The following NOL11 variants were observed in gnomAD, a reference collection of about 807,000 sequenced individuals.
NOL11 encodes the protein nucleolar protein 11.
Under a neutral mutation model 93.0 loss-of-function variants are expected in NOL11, and 42 were observed. That is an observed-to-expected ratio of 0.45 (90% CI 0.35 to 0.58). The LOEUF (loss-of-function observed/expected upper bound fraction) is 0.58, where lower values mean the gene tolerates loss of function less well. Ranked by LOEUF, NOL11 falls within the 20% of genes least tolerant of loss-of-function variation. The pLI, the probability that NOL11 is intolerant of heterozygous loss-of-function variation, is 0.00. For synonymous variants in NOL11, 296 were observed against 293.7 expected, an observed-to-expected ratio of 1.01 and a Z score of -0.08; for missense variants, 775 against 841.8, an observed-to-expected ratio of 0.92 and a Z score of 0.98.
chr17:67,739,460 A>G (rs1441466556), intron 15 of NOL11, 56 bp from the exon 16 acceptor site: 10 of 1,069,098 alleles, frequency 9.4e-6, no homozygotes, highest in Non-Finnish European at 1.4e-5. Context: ...ATGGGTTTAT[A>G]TAATAGAAAT....
At chr17:67,722,683 A>C (rs377735298) in intron 5 of NOL11, 46 bp downstream of exon 5, 1 of 34,460 alleles carries the variant, frequency 2.9e-5, no homozygotes, top group Non-Finnish European at 5.3e-5. Context: ...AAATTTCTTT[A>C]AAAAAAAAAA....
At position 67,739,513 on chromosome 17, in the gene NOL11, C is replaced by T. The variant is rs528208351; in HGVS notation, c.1843-3C>T. 11 of 1,553,506 alleles carry T rather than the reference C, an allele frequency of 7.1e-6. No individual in the cohort carries two copies. The highest frequency in any genetic ancestry group is 2.3e-5 in the East Asian group (1 of 42,866). Reference sequence around the variant, plus strand: ...TAAACTATCCATTTTTTTTCCCACCCAGCTGTTTCTTAAGTATTTGTATTT... The same window carrying T: ...TAAACTATCCATTTTTTTTCCCACCTAGCTGTTTCTTAAGTATTTGTATTT... On this transcript the variant is annotated splice_region_variant and splice_polypyrimidine_tract_variant and intron_variant, in intron 15 of 17. Coordinates refer to ENST00000253247, the MANE Select transcript of NOL11 (RefSeq NM_015462.5).
intron 16 of NOL11, among the ~76,000 whole-genome samples, chr17:67,742,932 AC>A (rs2143150313): frequency 6.6e-6 from 1 of 152,242 alleles, no homozygotes; most frequent in South Asian, 2.1e-4. Context: ...GAAACTGAAA[AC>A]TAAAATTTTT....
intron 4 of NOL11, among the ~76,000 whole-genome samples, chr17:67,721,744 A>T (rs2043218867): frequency 6.6e-6 from 1 of 152,352 alleles, no homozygotes; most frequent in Admixed American, 6.5e-5. Flanking sequence ...CTGGATACTT[A>T]GTTATTTGAG....
chr17:67,724,306 G>T, intron 6 of NOL11, 113 bp downstream of exon 6: 2 of 559,934 alleles, frequency 3.6e-6, no homozygotes, highest in Non-Finnish European at 2.9e-6. Context: ...CCATTTCTGT[G>T]CTTCTTTACA....
intron 8 of NOL11, 91 bp from the exon 9 acceptor site, chr17:67,735,809 G>C: frequency 1.1e-6 from 1 of 892,226 alleles, no homozygotes; most frequent in Non-Finnish European, 1.6e-6. Context: ...TTTTAATACT[G>C]AGCACTTATA....
chr17:67,729,097 G>T (rs1156474450), intron 7 of NOL11, among the ~76,000 whole-genome samples: 2 of 52,212 alleles, frequency 3.8e-5, no homozygotes, highest in African/African-American at 6.2e-5. Context: ...TTTTGTTGTT[G>T]TTGTTTTTTT....
chr17:67,720,892 T>G (rs1227528202), intron 3 of NOL11, among the ~76,000 whole-genome samples: 1 of 152,234 alleles, frequency 6.6e-6, no homozygotes, highest in African/African-American at 2.4e-5. Flanking sequence ...CTGGCTCCAT[T>G]CTTTTCATTT....
At chr17:67,727,595 C>T (rs573861819) in intron 7 of NOL11, among the ~76,000 whole-genome samples, 37 of 151,566 alleles carry the variant, frequency 2.4e-4, no homozygotes, top group African/African-American at 7.3e-4. Flanking sequence ...AGGTGGAGGT[C>T]GCAGTGAGCC....
At chr17:67,723,506 A>G (rs1416521194) in intron 5 of NOL11, among the ~76,000 whole-genome samples, 1 of 147,976 alleles carries the variant, frequency 6.8e-6, no homozygotes, top group Non-Finnish European at 1.5e-5. Context: ...CTCCTGTCTC[A>G]GCCTCCCAAG....
chr17:67,734,752 T>A (rs1370081377), intron 8 of NOL11, among the ~76,000 whole-genome samples: 1 of 152,190 alleles, frequency 6.6e-6, no homozygotes, highest in Admixed American at 6.5e-5. Flanking sequence ...GCTTCAGTGC[T>A]GTATGATTGT....
Position 67,726,407 on chromosome 17 carries a change from A to G in NOL11, c.665-53A>G, listed in dbSNP as rs918879356. On this transcript the variant is annotated intron_variant, in intron 6 of 17. Coordinates refer to ENST00000253247, the MANE Select transcript of NOL11 (RefSeq NM_015462.5). ...AAACAACCTAGTACATTTAACTGTA[A>G]TAGATATAGAAGTATCCTTCAATAA... 8.4e-6 allele frequency: 12 copies of G among 1,427,330 alleles called. No homozygotes were observed. The African/African-American group carries it at 1.6e-4, about 19-fold the overall frequency. 88.4% of individuals were successfully genotyped at this position (1,427,330 alleles called of 1,614,324 possible).
At chr17:67,725,893 A>G (rs1161622373) in intron 6 of NOL11, among the ~76,000 whole-genome samples, 2 of 152,200 alleles carry the variant, frequency 1.3e-5, no homozygotes, top group African/African-American at 4.8e-5. Flanking sequence ...CAGCCTGGGC[A>G]ACATAGCGAG....
chr17:67,729,642 A>C (rs1234117524), intron 7 of NOL11, among the ~76,000 whole-genome samples: 1 of 151,498 alleles, frequency 6.6e-6, no homozygotes, highest in Non-Finnish European at 1.5e-5. Flanking sequence ...GCAGTTGCGC[A>C]ATCTCGGCTC....
intron 7 of NOL11, among the ~76,000 whole-genome samples, chr17:67,730,325 A>G (rs949186325): frequency 5.3e-5 from 8 of 152,126 alleles, no homozygotes; most frequent in African/African-American, 1.2e-4. Context: ...CAGTGGTGCA[A>G]TCTGGGCTCA....
chr17:67,741,024 G>C (rs2055251529), intron 16 of NOL11, among the ~76,000 whole-genome samples: 1 of 152,118 alleles, frequency 6.6e-6, no homozygotes, highest in Admixed American at 6.5e-5. Context: ...ACCCTCCCAA[G>C]TAGCTGGGAC....
At position 67,735,991 on chromosome 17, in the gene NOL11, C is replaced by T; in HGVS notation, c.1022C>T (p.Ala341Val). The part of the protein sequence containing the change: ...YKCEVSSLAG[A>V]LGKLKHSQDP... ...TGTGAAGTGTCATCATTAGCAGGTG[C>T]TCTTGGAAAACTCAAGCATAGTCAA... The change falls in exon 9 of 18, where the codon GCT becomes GTT. Residue 341 changes from alanine (A) to valine (V), a missense_variant. Physicochemically the swap from Ala to Val is moderately conservative, Grantham distance 64. Around this residue, in one of 2 missense-constraint regions of NOL11, gnomAD observed 416 missense variants for 525.2 expected, o/e 0.79. Coordinates refer to ENST00000253247, the MANE Select transcript of NOL11 (RefSeq NM_015462.5). 6.2e-7 allele frequency: 1 copy of T among 1,608,722 alleles called. No individual in the cohort carries two copies. Among genetic ancestry groups the T allele is most frequent in the Non-Finnish European group, 8.5e-7 (1 of 1,177,454 alleles).
rs151002760 is a variant in NOL11, at chr17:67,738,938, A to G, written c.1770A>G (p.Ala590=). 4.3e-4 allele frequency: 692 copies of G among 1,607,818 alleles called. 4 individuals carry two copies. The African/African-American group carries it at 8.4e-3, about 20-fold the overall frequency. Residue 590 remains alanine, a synonymous_variant, in exon 15 of 18, where the codon GCA becomes GCG. Coordinates refer to ENST00000253247, the MANE Select transcript of NOL11 (RefSeq NM_015462.5). ...ATTTTCCTTTAGTCCTAAGTAATGCAATTCTTCATTCAGCATATAGCGAGA... is the reference window on the plus strand; with the variant it reads ...ATTTTCCTTTAGTCCTAAGTAATGCGATTCTTCATTCAGCATATAGCGAGA... ...VVQKRAALLN[A]ILHSAYSETF...
intron 7 of NOL11, among the ~76,000 whole-genome samples, chr17:67,729,100 G>T (rs202141516): frequency 0.026 from 3,692 of 144,348 alleles, 147 homozygotes; most frequent in African/African-American, 0.09. Flanking sequence ...TGTTGTTGTT[G>T]TTTTTTTTTT....
Sources: allele counts gnomAD v4.1 joint callset (sites outside exome capture counted in the v4.1 genomes callset), GRCh38; gene constraint gnomAD v4.1.1; regional missense constraint gnomAD v4.1.1; transcripts MANE v1.5; gene names NCBI Gene and HGNC (gene_info 2026-07-23, HGNC 2026-07-21).